MCTP1: variants seen among roughly 807,000 people sequenced by gnomAD.
MCTP1 encodes multiple C2 and transmembrane domain containing 1.
In MCTP1, 69 loss-of-function variants were observed where a neutral mutation model predicts 120.6. That is an observed-to-expected ratio of 0.57 (90% CI 0.47 to 0.70). The LOEUF is 0.70. Ranked by LOEUF, MCTP1 falls within the 30% of genes least tolerant of loss-of-function variation. The pLI, the probability that MCTP1 is intolerant of heterozygous loss-of-function variation, is 0.00. For synonymous variants in MCTP1, 529 were observed against 493.1 expected, an observed-to-expected ratio of 1.07 and a Z score of -0.96; for missense variants, 1,203 against 1,248.8, an observed-to-expected ratio of 0.96 and a Z score of 0.55.
At chr5:95,198,626 A>G (rs894060225) in intron 1 of MCTP1, among the ~76,000 whole-genome samples, 5 of 152,182 alleles carry the variant, frequency 3.3e-5, no homozygotes, top group African/African-American at 1.2e-4. Context: ...ATAATAGCCT[A>G]TAGTTTTTAG....
At chr5:94,934,431 C>T (rs1443694251) in intron 5 of MCTP1, among the ~76,000 whole-genome samples, 5 of 151,824 alleles carry the variant, frequency 3.3e-5, no homozygotes. Flanking sequence ...AGCAGCTCAA[C>T]TTCCTTGAAG....
chr5:95,274,809 G>C (rs1299990814), intron 1 of MCTP1, among the ~76,000 whole-genome samples: 1 of 151,912 alleles, frequency 6.6e-6, no homozygotes, highest in African/African-American at 2.4e-5. Context: ...ATTTTTAGTA[G>C]AGACGGGGTT....
At chr5:94,956,812 A>C (rs1263225067) in intron 2 of MCTP1, among the ~76,000 whole-genome samples, 2 of 152,220 alleles carry the variant, frequency 1.3e-5, no homozygotes, top group Non-Finnish European at 2.9e-5. Flanking sequence ...CTGAAAGTGA[A>C]GGGGAGAATG....
intron 1 of MCTP1, among the ~76,000 whole-genome samples, chr5:95,275,504 C>T (rs916341929): frequency 3.3e-5 from 5 of 152,166 alleles, no homozygotes; most frequent in Admixed American, 2.6e-4. Context: ...GAAATCCCTG[C>T]TTTAGATCAG....
chr5:94,787,685 C>CACT (rs1778040012), intron 18 of MCTP1, among the ~76,000 whole-genome samples: 2 of 151,116 alleles, frequency 1.3e-5, no homozygotes, highest in South Asian at 4.2e-4. Flanking sequence ...GGCGCGATCT[C>CACT]GGCTCACTGC....
Position 94,918,074 on chromosome 5 carries a change from T to C in MCTP1, c.1273-101A>G, listed in dbSNP as rs1448941335. The C allele has an allele frequency of 3.7e-6, 3 of 821,140 alleles. No individual in the cohort carries two copies. The African/African-American group carries it at 5.2e-5, about 14-fold the overall frequency. The allele number at this position is 821,140 out of a possible 1,614,324, so 50.9% of individuals were successfully genotyped here. A position where few individuals can be genotyped will look rare whatever the true frequency, so the allele number is the denominator to read the frequency against. ...TTGAATTACTCTTCAGAAAACATTA[T>C]TTGAGAAAATTTGTATTTGCTTCTC... On this transcript the variant is annotated intron_variant, in intron 7 of 22. Coordinates refer to ENST00000515393, the MANE Select transcript of MCTP1 (RefSeq NM_024717.7).
At chr5:94,863,203 A>C (rs897295013) in intron 17 of MCTP1, among the ~76,000 whole-genome samples, 3 of 151,838 alleles carry the variant, frequency 2.0e-5, no homozygotes, top group Admixed American at 2.0e-4. Flanking sequence ...TATGACAGTA[A>C]GACCACCAAT....
chr5:95,071,866 A>C (rs1752242952), intron 1 of MCTP1, among the ~76,000 whole-genome samples: 2 of 152,198 alleles, frequency 1.3e-5, no homozygotes, highest in African/African-American at 4.8e-5. Flanking sequence ...TCTGGCAATC[A>C]TATGCTAGAG....
At chr5:94,723,553 G>A (rs1026219961) in intron 19 of MCTP1, among the ~76,000 whole-genome samples, 5 of 129,472 alleles carry the variant, frequency 3.9e-5, no homozygotes, top group Middle Eastern at 3.8e-3. Context: ...TGACTTGGCA[G>A]AGTTTTTTTT....
chr5:95,188,148 T>G (rs867310594), intron 1 of MCTP1, among the ~76,000 whole-genome samples: 40 of 151,930 alleles, frequency 2.6e-4, no homozygotes, highest in African/African-American at 8.7e-4. Flanking sequence ...GGCAAATGAG[T>G]ACATGAAAAG....
At chr5:94,970,744 A>C (rs1826648196) in intron 2 of MCTP1, among the ~76,000 whole-genome samples, 1 of 152,070 alleles carries the variant, frequency 6.6e-6, no homozygotes, top group Admixed American at 6.6e-5. Context: ...CTAACAAAAA[A>C]TCACATCTAA....
intron 1 of MCTP1, among the ~76,000 whole-genome samples, chr5:95,204,618 A>G (rs1013324103): frequency 6.6e-6 from 1 of 152,194 alleles, no homozygotes; most frequent in Non-Finnish European, 1.5e-5. Context: ...TCTTGAATAT[A>G]GAAAACCCTA....
rs370132481 is a variant in MCTP1 at position 94,868,396 on chromosome 5, A to G, written c.2373T>C (p.Ala791=). ...MKRCVMVLVN[A]AYYVNSCFDW... ...CAAAGCAACTATTAACGTAGTATGC[A>G]GCATTTACCAGCACCATGACACAAC... Residue 791 remains alanine (A), a synonymous_variant, in exon 17 of 23, where the codon GCT becomes GCC. Transcript: ENST00000515393. 6.7e-5 allele frequency: 108 copies of G among 1,609,024 alleles called. No homozygotes were observed. The highest frequency in any genetic ancestry group is 4.4e-4 in the Admixed American group (26 of 59,236).
At chr5:95,032,661 A>G (rs944661608) in intron 1 of MCTP1, among the ~76,000 whole-genome samples, 1 of 152,094 alleles carries the variant, frequency 6.6e-6, no homozygotes, top group Admixed American at 6.6e-5. Flanking sequence ...TTAACAACCT[A>G]ACATGACACC....
intron 2 of MCTP1, among the ~76,000 whole-genome samples, chr5:94,983,663 CT>C (rs2153601348): frequency 7.3e-5 from 1 of 13,736 alleles, no homozygotes; most frequent in African/African-American, 1.7e-4. Context: ...GTCTGTCTGT[CT>C]GTCAATCTAT....
chr5:94,942,886 T>C (rs1818068608), intron 3 of MCTP1, among the ~76,000 whole-genome samples: 1 of 152,092 alleles, frequency 6.6e-6, no homozygotes, highest in Non-Finnish European at 1.5e-5. Context: ...ACCTACTTTA[T>C]AAAGTTATAC....
chr5:94,873,286 A>G, intron 12 of MCTP1, 45 bp from the exon 13 acceptor site: 3 of 1,063,446 alleles, frequency 2.8e-6, no homozygotes, highest in Non-Finnish European at 4.4e-6. Flanking sequence ...CATAGCACCC[A>G]CAGTTCACAG....
At chr5:95,041,759 T>C (rs1005044662) in intron 1 of MCTP1, among the ~76,000 whole-genome samples, 4 of 152,352 alleles carry the variant, frequency 2.6e-5, no homozygotes, top group Middle Eastern at 6.8e-3. Context: ...AAATAATATA[T>C]AGCTTTCTCC....
chr5:95,209,346 T>C (rs1166072114), intron 1 of MCTP1, among the ~76,000 whole-genome samples: 4 of 152,170 alleles, frequency 2.6e-5, no homozygotes, highest in African/African-American at 9.7e-5. Flanking sequence ...GTCTCTGAAC[T>C]ATTTGTGTTT....
Sources: gnomAD v4.1 joint callset for allele counts (sites outside exome capture counted in the v4.1 genomes callset) on GRCh38, gnomAD v4.1.1 for gene constraint, MANE v1.5 for transcripts, NCBI Gene and HGNC (gene_info 2026-07-23, HGNC 2026-07-21) for gene names.